The following CALN1 variants were observed in gnomAD, a reference collection of about 807,000 sequenced individuals.
The protein encoded by CALN1 is calneuron 1.
CALN1 carries 17 observed loss-of-function variants against 30.6 expected under a neutral mutation model. The observed-to-expected ratio is 0.56, with a 90% CI of 0.38 to 0.83. The LOEUF is 0.83. Ranked by LOEUF, CALN1 falls within the 40% of genes least tolerant of loss-of-function variation. The pLI is 0.00. For synonymous variants in CALN1, 156 were observed against 131.4 expected (o/e 1.19, Z -1.28); for missense variants, 291 against 354.9 (o/e 0.82, Z 1.45).
chr7:72,466,858 G>A, the CALN1 span, among the ~76,000 whole-genome samples: 5,840 of 69,262 alleles, frequency 0.084, 366 homozygotes, highest in African/African-American at 0.29. Flanking sequence ...AAGAAAGAAA[G>A]AGAAAGAAAA....
At chr7:72,099,890 A>C (rs1393018699) in intron 4 of CALN1, among the ~76,000 whole-genome samples, 5 of 152,254 alleles carry the variant, frequency 3.3e-5, no homozygotes. Flanking sequence ...TTCTGCTTTC[A>C]GCATTGGTAG....
chr7:72,098,764 G>GCGCACA (rs1414936509), intron 4 of CALN1, among the ~76,000 whole-genome samples: 4 of 142,730 alleles, frequency 2.8e-5, no homozygotes, highest in African/African-American at 1.1e-4. Flanking sequence ...CATTTGGCGC[G>GCGCACA]CACACACACA....
chr7:72,208,252 AC>A (rs1287040122), intron 3 of CALN1, among the ~76,000 whole-genome samples: 2 of 152,222 alleles, frequency 1.3e-5, no homozygotes, highest in Non-Finnish European at 2.9e-5. Flanking sequence ...TGATATTCTT[AC>A]GTTGAATAGG....
At chr7:72,184,460 T>G (rs1056308258) in intron 3 of CALN1, among the ~76,000 whole-genome samples, 2 of 152,254 alleles carry the variant, frequency 1.3e-5, no homozygotes, top group African/African-American at 4.8e-5. Flanking sequence ...GTGTATAATT[T>G]ATGACATGTG....
chr7:71,894,768 A>G (rs186139836), intron 5 of CALN1, among the ~76,000 whole-genome samples: 8 of 152,304 alleles, frequency 5.3e-5, no homozygotes, highest in Non-Finnish European at 1.2e-4. Context: ...ATGTTTTTTC[A>G]CTTAAATCAA....
In CALN1 at chr7:72,291,181, C is replaced by T. The variant is rs186570293; in HGVS notation, c.120-12371G>A. On this transcript the variant is annotated intron_variant, in intron 2 of 6. Transcript: ENST00000395275. ...CAAGTGATCTGCCCACCTTAGCATC[C>T]CAAAGTGCTGGGATTACAGATGTGA... is the stretch of plus-strand genomic sequence containing the variant. Among the ~76,000 whole-genome samples the T allele has an allele frequency of 1.2e-3, 179 of 152,296 alleles. 1 individual carries two copies. The highest frequency in any genetic ancestry group is 4.1e-3 in the Admixed American group (63 of 15,300).
intron 1 of CALN1, among the ~76,000 whole-genome samples, chr7:72,411,168 C>T (rs1054253169): frequency 6.6e-6 from 1 of 152,012 alleles, no homozygotes; most frequent in African/African-American, 2.4e-5. Context: ...AAAAAACTAT[C>T]AAAAGGAAAA....
intron 3 of CALN1, among the ~76,000 whole-genome samples, chr7:72,151,678 C>T (rs1787260225): frequency 6.6e-6 from 1 of 152,050 alleles, no homozygotes; most frequent in Non-Finnish European, 1.5e-5. Flanking sequence ...AGCTACCTTC[C>T]ACCCATGTGC....
intron 4 of CALN1, among the ~76,000 whole-genome samples, chr7:72,098,788 A>G (rs1806427064): frequency 6.6e-6 from 1 of 151,742 alleles, no homozygotes; most frequent in African/African-American, 2.4e-5. Context: ...ACACACACAC[A>G]CACACACACA....
chr7:72,333,009 C>G (rs902664964), intron 2 of CALN1, among the ~76,000 whole-genome samples: 2 of 152,194 alleles, frequency 1.3e-5, no homozygotes, highest in Non-Finnish European at 2.9e-5. Context: ...CACCATCTAT[C>G]ATTCTGGTCA....
intron 3 of CALN1, among the ~76,000 whole-genome samples, chr7:72,183,196 T>C (rs1299967136): frequency 6.6e-6 from 1 of 152,162 alleles, no homozygotes; most frequent in African/African-American, 2.4e-5. Flanking sequence ...CCCAAGTAGC[T>C]GGGATTACAG....
intron 5 of CALN1, among the ~76,000 whole-genome samples, chr7:71,996,296 A>T (rs1799248580): frequency 6.6e-6 from 1 of 152,222 alleles, no homozygotes; most frequent in Non-Finnish European, 1.5e-5. Context: ...CACATCAAGA[A>T]CCAAGAAACT....
Position 72,106,132 on chromosome 7 carries a change from C to T in CALN1, c.388+19G>A, listed in dbSNP as rs1207205778. The T allele has an allele frequency of 1.2e-6, 2 of 1,611,750 alleles. No homozygotes were observed. The highest frequency in any genetic ancestry group is 2.2e-5 in the East Asian group (1 of 44,804). On this transcript the variant is annotated intron_variant, in intron 4 of 6. Coordinates refer to ENST00000395275, the MANE Select transcript of CALN1 (RefSeq NM_031468.4). ...ACCGGGGCATGTCTCAGGGGAGAAG[C>T]TGCTTGTCCGGGTCTTACCGTCCAT...
intron 3 of CALN1, among the ~76,000 whole-genome samples, chr7:72,128,646 G>A (rs769019781): frequency 7.2e-5 from 11 of 152,156 alleles, no homozygotes; most frequent in African/African-American, 1.4e-4. Context: ...TGAGGTGGGC[G>A]GATCACCTGA....
At chr7:72,144,200 G>C (rs1276236162) in intron 3 of CALN1, among the ~76,000 whole-genome samples, 9 of 152,114 alleles carry the variant, frequency 5.9e-5, no homozygotes, top group Non-Finnish European at 1.2e-4. Flanking sequence ...AAAGAGTCAA[G>C]ACCCATCAGT....
At position 72,371,524 on chromosome 7, in the gene CALN1, G is replaced by C. The variant is rs141029682; in HGVS notation, c.119+31727C>G. 9.6e-3 allele frequency among the ~76,000 whole-genome samples: 1,454 copies of C among 152,212 alleles called. 14 individuals carry two copies. Among genetic ancestry groups the C allele is most frequent in the African/African-American group, 0.034 (1,400 of 41,528 alleles). ...TCCTTCCTGCCATCATGTGAAGAAG[G>C]ACGTGTTTGCTTCCCCTTCCACAGT... On this transcript the variant is annotated intron_variant, in intron 2 of 6. Coordinates refer to ENST00000395275, the MANE Select transcript of CALN1 (RefSeq NM_031468.4).
chr7:71,790,414 AAGAAAGAAAG>A (rs1388902611), intron 6 of CALN1, among the ~76,000 whole-genome samples: 1 of 151,810 alleles, frequency 6.6e-6, no homozygotes, highest in Non-Finnish European at 1.5e-5. Context: ...GAAAGAAAGA[AAGAAAGAAAG>A]AAGCAAGCAA....
intron 2 of CALN1, among the ~76,000 whole-genome samples, chr7:72,326,911 T>C (rs1229019159): frequency 3.9e-5 from 6 of 152,182 alleles, no homozygotes; most frequent in Non-Finnish European, 7.3e-5. Flanking sequence ...GTTCCTCTTC[T>C]CCTTTAAATT....
chr7:71,805,708 A>T (rs1787566111), intron 6 of CALN1, among the ~76,000 whole-genome samples: 1 of 152,164 alleles, frequency 6.6e-6, no homozygotes, highest in Admixed American at 6.6e-5. Context: ...CTATTGCCCC[A>T]GAATCACATA....
Sources: gnomAD v4.1 joint callset for allele counts (sites outside exome capture counted in the v4.1 genomes callset) on GRCh38, gnomAD v4.1.1 for gene constraint, MANE v1.5 for transcripts, NCBI Gene and HGNC (gene_info 2026-07-23, HGNC 2026-07-21) for gene names.